NOTCH2: variants seen among roughly 807,000 people sequenced by gnomAD.
NOTCH2 encodes neurogenic locus notch homolog protein 2.
NOTCH2 carries 29 observed loss-of-function variants against 235.8 expected under a neutral mutation model. The observed-to-expected ratio is 0.12, with a 90% confidence interval of 0.09 to 0.17. The LOEUF is 0.17. Ranked by LOEUF, NOTCH2 falls within the 10% of genes least tolerant of loss-of-function variation. The pLI is 1.00. For missense variants in NOTCH2, 2,285 were observed against 3,150.2 expected (o/e 0.73, Z 6.57); for synonymous variants, 1,086 against 1,141.5 (o/e 0.95, Z 0.98).
rs190157754 is a variant in NOTCH2, at chr1:119,952,532, G to A, written c.2365+1011C>T. Reference sequence around the variant, plus strand: ...CAGGCACTAGATTCTTATAAGGAGCGCACAATCTACATCCTTCACATGTGG... The same window carrying A: ...CAGGCACTAGATTCTTATAAGGAGCACACAATCTACATCCTTCACATGTGG... On this transcript the variant is annotated intron_variant, in intron 14 of 33. Coordinates refer to ENST00000256646, the MANE Select transcript of NOTCH2 (RefSeq NM_024408.4). Among the ~76,000 whole-genome samples, 113 of 152,278 alleles carry A rather than the reference G, an allele frequency of 7.4e-4. 1 individual carries two copies. Among genetic ancestry groups the A allele is most frequent in the African/African-American group, 2.4e-3 (99 of 41,538 alleles).
At chr1:119,998,787 C>A (rs1553204749) in intron 3 of NOTCH2, among the ~76,000 whole-genome samples, 1 of 146,416 alleles carries the variant, frequency 6.8e-6, no homozygotes, top group African/African-American at 2.5e-5. Context: ...TGTGCTGCAC[C>A]CATTAACTCG....
intron 17 of NOTCH2, among the ~76,000 whole-genome samples, chr1:119,943,590 T>C (rs1650143653): frequency 6.6e-6 from 1 of 152,066 alleles, no homozygotes; most frequent in South Asian, 2.1e-4. Context: ...TGAACAAAGC[T>C]CAAAAATGTT....
At chr1:119,945,062 A>C (rs1351979955) in intron 17 of NOTCH2, among the ~76,000 whole-genome samples, 1 of 152,192 alleles carries the variant, frequency 6.6e-6, no homozygotes, top group Non-Finnish European at 1.5e-5. Context: ...TACATTTTAT[A>C]ACAACAATAG....
chr1:119,983,987 T>A (rs782784531), intron 5 of NOTCH2, among the ~76,000 whole-genome samples: 57 of 152,198 alleles, frequency 3.7e-4, no homozygotes, highest in Non-Finnish European at 7.3e-4. Context: ...CCCTCCTTTT[T>A]CATTTTGTCA....
At chr1:119,956,647 G>C (rs1553198386) in intron 12 of NOTCH2, among the ~76,000 whole-genome samples, 1 of 152,178 alleles carries the variant, frequency 6.6e-6, no homozygotes, top group East Asian at 1.9e-4. Flanking sequence ...ATATGAACCA[G>C]AGCTCTTCAA....
intron 22 of NOTCH2, among the ~76,000 whole-genome samples, chr1:119,933,691 T>C (rs1553195433): frequency 6.6e-6 from 1 of 152,252 alleles, no homozygotes. Context: ...AAGCCATCTT[T>C]ACCATATGGT....
At chr1:119,982,671 G>T (rs1234503852) in intron 5 of NOTCH2, among the ~76,000 whole-genome samples, 2 of 152,168 alleles carry the variant, frequency 1.3e-5, no homozygotes, top group Non-Finnish European at 2.9e-5. Context: ...TTTCCTAAAG[G>T]AATATCCAGT....
rs143880286 is a variant in NOTCH2, at chr1:119,957,200, C to A, written c.2027-1968G>T. On this transcript the variant is annotated intron_variant, in intron 12 of 33. Transcript: ENST00000256646. The stretch of plus-strand genomic sequence containing the variant: ...GAGGTCTCTGCCTTCTGGGAACTCA[C>A]AGTCCTCACTATGCAACTCACTGGC... 9.7e-4 allele frequency among the ~76,000 whole-genome samples: 148 copies of A among 152,344 alleles called. 1 individual carries two copies. Among genetic ancestry groups the A allele is most frequent in the African/African-American group, 3.4e-3 (142 of 41,568 alleles).
intron 1 of NOTCH2, among the ~76,000 whole-genome samples, chr1:120,034,335 CAAAAAAA>C (rs558577685): frequency 3.6e-5 from 2 of 55,776 alleles, no homozygotes; most frequent in East Asian, 4.2e-4. Flanking sequence ...TCTACTCCAC[CAAAAAAA>C]AAAAAAAAAA....
chr1:119,937,494 CAT>C, intron 20 of NOTCH2, 28 bp from the exon 21 acceptor site: 1 of 1,601,060 alleles, frequency 6.2e-7, no homozygotes, highest in Non-Finnish European at 8.5e-7. Flanking sequence ...GGAGAAATGT[CAT>C]AGAAGAACAT....
At chr1:120,028,539 C>A (rs1281821131) in intron 2 of NOTCH2, among the ~76,000 whole-genome samples, 1 of 148,512 alleles carries the variant, frequency 6.7e-6, no homozygotes, top group Non-Finnish European at 1.5e-5. Flanking sequence ...ATCCAAACAA[C>A]CTATTGTTAA....
At chr1:119,920,820 G>T (rs587738441) in intron 29 of NOTCH2, among the ~76,000 whole-genome samples, 1 of 152,322 alleles carries the variant, frequency 6.6e-6, no homozygotes, top group East Asian at 1.9e-4. Flanking sequence ...AGCTTCTCAA[G>T]AAGGGAAAAT....
At position 119,918,569 on chromosome 1, in the gene NOTCH2, G is replaced by A; in HGVS notation, c.5782-16C>T. Reference sequence around the variant, plus strand: ...GAATCAGAATCTAGAAGAGGAGAAAGTACAGAAAAGAGAGTCACCTGGATG... The same window carrying A: ...GAATCAGAATCTAGAAGAGGAGAAAATACAGAAAAGAGAGTCACCTGGATG... On this transcript the variant is annotated splice_polypyrimidine_tract_variant and intron_variant, in intron 31 of 33. Transcript: ENST00000256646. 1 of 1,613,824 alleles carries A rather than the reference G, an allele frequency of 6.2e-7. No individual in the cohort carries two copies. The highest frequency in any genetic ancestry group is 8.5e-7 in the Non-Finnish European group (1 of 1,179,834).
rs1329976856 is a variant in NOTCH2, at chr1:119,925,551, G to A, written c.4265C>T (p.Pro1422Leu). The change falls in exon 25 of 34, where the codon CCT becomes CTT. Residue 1422 changes from proline to leucine, a missense_variant. This residue lies in a region of NOTCH2 where 1,173 missense variants were observed against 1,515.3 expected (regional missense o/e 0.77). Coordinates refer to ENST00000256646, the MANE Select transcript of NOTCH2 (RefSeq NM_024408.4). ...ELYTAPPSTP[P>L]ATCLSQYCAD... ...ACAATACTGGCTCAGACAGGTGGCA[G>A]GAGGGGTGCTGGGGGGTGCCGTGTA... 3.1e-6 allele frequency: 5 copies of A among 1,614,070 alleles called. No homozygotes were observed. Among genetic ancestry groups the A allele is most frequent in the Non-Finnish European group, 4.2e-6 (5 of 1,180,050 alleles).
chr1:119,949,656 G>A (rs1322369412), intron 15 of NOTCH2, among the ~76,000 whole-genome samples: 3 of 152,096 alleles, frequency 2.0e-5, no homozygotes, highest in Non-Finnish European at 4.4e-5. Flanking sequence ...AAAGTGCTGG[G>A]ATTACAGGGT....
At chr1:119,985,093 G>T (rs1255308841) in intron 5 of NOTCH2, among the ~76,000 whole-genome samples, 1 of 152,180 alleles carries the variant, frequency 6.6e-6, no homozygotes, top group Non-Finnish European at 1.5e-5. Context: ...ATGAGAAGGA[G>T]ACTGGGGAAG....
chr1:120,007,798 TC>T (rs1553206482), intron 2 of NOTCH2, among the ~76,000 whole-genome samples: 1 of 150,462 alleles, frequency 6.6e-6, no homozygotes, highest in Non-Finnish European at 1.5e-5. Context: ...GAGAATAGTT[TC>T]TTGTGTTGGT....
At position 119,959,516 on chromosome 1, in the gene NOTCH2, CCCAACGGAAA is replaced by C. The variant is rs781985290; in HGVS notation, c.1916-24_1916-15del. ...CACAATTAACCCCTGGAAGAGAAAA[CCCAACGGAAA>C]CCATTCAATGTTACCACAGAAATAC... On this transcript the variant is annotated splice_polypyrimidine_tract_variant and intron_variant, in intron 11 of 33. Coordinates refer to ENST00000256646, the MANE Select transcript of NOTCH2 (RefSeq NM_024408.4). 7.2e-7 allele frequency: 1 copy of C among 1,386,846 alleles called. No individual in the cohort carries two copies. Among genetic ancestry groups the C allele is most frequent in the African/African-American group, 1.4e-5 (1 of 70,772 alleles). The allele number at this position is 1,386,846 out of a possible 1,614,324, so 85.9% of individuals were successfully genotyped here. A position where few individuals can be genotyped will look rare whatever the true frequency, so the allele number is the denominator to read the frequency against.
Position 119,955,804 on chromosome 1 carries a change from C to T in NOTCH2, c.2027-572G>A, listed in dbSNP as rs1183494345. The stretch of plus-strand genomic sequence containing the variant: ...TTTTTTTGACCTCAGGAAGTAGAGT[C>T]TCAAAGTATAATTTTGTTGTCTTCT... On this transcript the variant is annotated intron_variant, in intron 12 of 33. Coordinates refer to ENST00000256646, the MANE Select transcript of NOTCH2 (RefSeq NM_024408.4). Among the ~76,000 whole-genome samples, 5 of 152,058 alleles carry T rather than the reference C, an allele frequency of 3.3e-5. No homozygotes were observed. In the East Asian group the frequency reaches 9.6e-4, roughly 29 times the overall value.
Sources: allele counts gnomAD v4.1 joint callset (sites outside exome capture counted in the v4.1 genomes callset), GRCh38; gene constraint gnomAD v4.1.1; regional missense constraint gnomAD v4.1.1; transcripts MANE v1.5; gene names NCBI Gene and HGNC (gene_info 2026-07-23, HGNC 2026-07-21).